SLIT3: variants seen among roughly 807,000 people sequenced by gnomAD.
The protein encoded by SLIT3 is slit guidance ligand 3.
SLIT3 carries 68 observed loss-of-function variants against 184.0 expected under a neutral mutation model. The observed-to-expected ratio is 0.37, with a 90% CI of 0.30 to 0.45. SLIT3 has a LOEUF of 0.45. Ranked by LOEUF, SLIT3 falls within the 20% of genes least tolerant of loss-of-function variation. The pLI is 1.00. For missense variants in SLIT3, 1,707 were observed against 2,026.0 expected, an observed-to-expected ratio of 0.84 and a Z score of 3.02; for synonymous variants, 831 against 828.6, an observed-to-expected ratio of 1.00 and a Z score of -0.05.
intron 4 of SLIT3, among the ~76,000 whole-genome samples, chr5:168,987,949 T>C (rs1259565577): frequency 6.6e-6 from 1 of 152,228 alleles, no homozygotes; most frequent in African/African-American, 2.4e-5. Flanking sequence ...GTGTCACAGC[T>C]GAAGCAGATC....
intron 6 of SLIT3, among the ~76,000 whole-genome samples, chr5:168,828,800 C>A (rs751674699): frequency 6.6e-6 from 1 of 152,132 alleles, no homozygotes; most frequent in Non-Finnish European, 1.5e-5. Context: ...GTTTAATGAG[C>A]TTTCCAGAGG....
At chr5:168,700,477 C>A in intron 27 of SLIT3, 105 bp downstream of exon 27, 1 of 798,168 alleles carries the variant, frequency 1.3e-6, no homozygotes, top group Non-Finnish European at 2.2e-6. Context: ...AACTGTGAGT[C>A]CTTTAAACTT....
chr5:168,876,562 C>T (rs1462261248), intron 5 of SLIT3, among the ~76,000 whole-genome samples: 1 of 152,200 alleles, frequency 6.6e-6, no homozygotes, highest in Non-Finnish European at 1.5e-5. Flanking sequence ...GGTGAATTTT[C>T]ACATGCTGTT....
intron 4 of SLIT3, among the ~76,000 whole-genome samples, chr5:169,181,878 A>G (rs1301479120): frequency 6.6e-6 from 1 of 152,204 alleles, no homozygotes; most frequent in Non-Finnish European, 1.5e-5. Context: ...TTGAAAATCC[A>G]GTTTTCTTCT....
intron 4 of SLIT3, among the ~76,000 whole-genome samples, chr5:169,057,702 A>T (rs1758050319): frequency 6.6e-6 from 1 of 152,204 alleles, no homozygotes; most frequent in African/African-American, 2.4e-5. Context: ...CGGTGCCAGA[A>T]GAAGGGACCA....
chr5:168,686,539 A>T (rs1761750240), intron 30 of SLIT3, among the ~76,000 whole-genome samples: 1 of 152,246 alleles, frequency 6.6e-6, no homozygotes, highest in African/African-American at 2.4e-5. Context: ...AGCCAAATTC[A>T]TAGCAACAGA....
intron 34 of SLIT3, among the ~76,000 whole-genome samples, chr5:168,670,317 C>G (rs1481750495): frequency 1.3e-5 from 2 of 152,180 alleles, no homozygotes; most frequent in Non-Finnish European, 2.9e-5. Flanking sequence ...ATTTTAATTG[C>G]TTTACCATCT....
intron 1 of SLIT3, among the ~76,000 whole-genome samples, chr5:169,292,830 C>G (rs951362301): frequency 1.7e-4 from 26 of 152,270 alleles, no homozygotes; most frequent in African/African-American, 6.0e-4. Context: ...GTCAACTGCA[C>G]AAGTCTAGAA....
intron 10 of SLIT3, among the ~76,000 whole-genome samples, chr5:168,794,303 G>C (rs907154509): frequency 1.3e-5 from 2 of 152,156 alleles, no homozygotes; most frequent in African/African-American, 2.4e-5. Flanking sequence ...CGGTTACTGG[G>C]CTCTACTAAA....
rs182221334 is a variant in SLIT3 at position 168,780,083 on chromosome 5, A to G, written c.1152-5705T>C. On this transcript the variant is annotated intron_variant, in intron 12 of 35. Coordinates refer to ENST00000519560, the MANE Select transcript of SLIT3 (RefSeq NM_003062.4). The stretch of plus-strand genomic sequence containing the variant: ...GGCTTAATGATCAATTGCATCAAAA[A>G]TCACTTTGGCAACTCCAGCAATTCA... Among the ~76,000 whole-genome samples the G allele has an allele frequency of 5.3e-5, 8 of 152,380 alleles. No homozygotes were observed. The East Asian group carries it at 1.3e-3, about 26-fold the overall frequency.
At chr5:168,710,159 T>C (rs963546150) in intron 25 of SLIT3, 6 of 152,194 alleles carry the variant, frequency 3.9e-5, no homozygotes, top group African/African-American at 1.4e-4. Flanking sequence ...GGCTTGGTGA[T>C]AAAGACTGCG....
At chr5:168,864,896 G>C (rs560309748) in intron 5 of SLIT3, among the ~76,000 whole-genome samples, 1 of 152,100 alleles carries the variant, frequency 6.6e-6, no homozygotes, top group South Asian at 2.1e-4. Context: ...GGATAAGGAC[G>C]GTGGCTCACG....
At chr5:168,690,198 G>A (rs1761864608) in intron 29 of SLIT3, among the ~76,000 whole-genome samples, 1 of 150,680 alleles carries the variant, frequency 6.6e-6, no homozygotes, top group Non-Finnish European at 1.5e-5. Flanking sequence ...ATGCAGTGGT[G>A]CAATCTCAGC....
At chr5:168,746,982 G>T (rs1754489473) in intron 20 of SLIT3, among the ~76,000 whole-genome samples, 4 of 147,534 alleles carry the variant, frequency 2.7e-5, no homozygotes, top group African/African-American at 1.0e-4. Context: ...GTGTGTGGTG[G>T]TGTGGATGTG....
intron 4 of SLIT3, among the ~76,000 whole-genome samples, chr5:168,989,228 C>T (rs1021520190): frequency 2.0e-5 from 3 of 152,070 alleles, no homozygotes; most frequent in East Asian, 1.9e-4. Flanking sequence ...GTTTTGTTTT[C>T]GGTTAGGAAT....
intron 1 of SLIT3, among the ~76,000 whole-genome samples, chr5:169,271,004 C>G (rs1020730821): frequency 2.0e-5 from 3 of 152,132 alleles, no homozygotes; most frequent in Non-Finnish European, 4.4e-5. Context: ...CTTATTGTTG[C>G]CAGTATTGCT....
intron 31 of SLIT3, 62 bp downstream of exon 31, chr5:168,685,625 G>T: frequency 6.7e-7 from 1 of 1,493,086 alleles, no homozygotes; most frequent in South Asian, 1.4e-5. Context: ...GCAATTTTCT[G>T]AACTATCAGA....
Position 168,681,620 on chromosome 5 carries a change from C to T in SLIT3, c.3686+2346G>A, listed in dbSNP as rs183014115. On this transcript the variant is annotated intron_variant, in intron 32 of 35. Transcript: ENST00000519560. ...GCCACCTACCTGCTCAAACTCAGGG[C>T]TCCCTGACAGCAGCTTCTGGACAGC... Among the ~76,000 whole-genome samples, 169 of 152,302 alleles carry T rather than the reference C, an allele frequency of 1.1e-3. 1 individual carries two copies. The highest frequency in any genetic ancestry group is 3.7e-3 in the African/African-American group (155 of 41,556).
chr5:169,189,765 A>G (rs544111112), intron 4 of SLIT3, among the ~76,000 whole-genome samples: 19 of 151,840 alleles, frequency 1.3e-4, no homozygotes, highest in Admixed American at 1.2e-3. Context: ...AAATTCTTTA[A>G]CCTTTCTGCA....
Sources: gnomAD v4.1 joint callset for allele counts (sites outside exome capture counted in the v4.1 genomes callset) on GRCh38, gnomAD v4.1.1 for gene constraint, MANE v1.5 for transcripts, NCBI Gene and HGNC (gene_info 2026-07-23, HGNC 2026-07-21) for gene names.